Variants in PPARGC1A observed in about 807,000 individuals in gnomAD.
PPARGC1A encodes the protein PPARG coactivator 1 alpha.
In PPARGC1A, 25 loss-of-function variants were observed where a neutral mutation model predicts 88.7. The ratio of observed to expected loss-of-function variants is 0.28; its 90% CI spans 0.21 to 0.39. The LOEUF is 0.39. Ranked by LOEUF, PPARGC1A falls within the 10% of genes least tolerant of loss-of-function variation. PPARGC1A has a pLI of 1.00. For synonymous variants in PPARGC1A, 363 were observed against 355.6 expected (o/e 1.02, Z -0.24); for missense variants, 880 against 968.7 (o/e 0.91, Z 1.22).
Position 23,844,951 on chromosome 4 carries a change from A to C in PPARGC1A, c.235-13200T>G, listed in dbSNP as rs563106446. On this transcript the variant is annotated intron_variant, in intron 2 of 12. Transcript: ENST00000264867. Reference sequence around the variant, plus strand: ...GAGCAGCAAAGCATAATAGCTAAGAAAGAAATGTTCTAGACAGGGAAAAGA... The same window carrying C: ...GAGCAGCAAAGCATAATAGCTAAGACAGAAATGTTCTAGACAGGGAAAAGA... Among the ~76,000 whole-genome samples, 8 of 148,824 alleles carry C rather than the reference A, an allele frequency of 5.4e-5. No homozygotes were observed. The East Asian group carries it at 1.6e-3, about 29-fold the overall frequency.
the PPARGC1A span, among the ~76,000 whole-genome samples, chr4:24,242,907 AAC>A: frequency 1.4e-4 from 21 of 152,094 alleles, no homozygotes; most frequent in African/African-American, 4.6e-4. Context: ...ACTCAGAGAA[AAC>A]AGTCTGTTTA....
At chr4:24,109,990 C>A in the PPARGC1A span, among the ~76,000 whole-genome samples, 1 of 152,110 alleles carries the variant, frequency 6.6e-6, no homozygotes, top group East Asian at 1.9e-4. Flanking sequence ...GGAGGAGGAA[C>A]CCCCAGCAGC....
At chr4:24,179,317 C>G in the PPARGC1A span, among the ~76,000 whole-genome samples, 1 of 152,174 alleles carries the variant, frequency 6.6e-6, no homozygotes, top group Non-Finnish European at 1.5e-5. Context: ...TCCCTTGCAG[C>G]AAGTCCCCTT....
the PPARGC1A span, among the ~76,000 whole-genome samples, chr4:24,195,453 T>C: frequency 6.6e-6 from 1 of 152,190 alleles, no homozygotes; most frequent in African/African-American, 2.4e-5. Flanking sequence ...CTTACCTCAA[T>C]TTTTTGTGAG....
At chr4:24,456,077 G>T in the PPARGC1A span, among the ~76,000 whole-genome samples, 1 of 152,292 alleles carries the variant, frequency 6.6e-6, no homozygotes, top group Non-Finnish European at 1.5e-5. Flanking sequence ...CCCAGCATTA[G>T]CTGGGCCTTT....
At chr4:24,378,815 C>T in the PPARGC1A span, among the ~76,000 whole-genome samples, 355 of 152,268 alleles carry the variant, frequency 2.3e-3, 1 homozygote, top group African/African-American at 8.2e-3. Flanking sequence ...AGCTGAAGTT[C>T]TCTTAGCAAC....
the PPARGC1A span, among the ~76,000 whole-genome samples, chr4:24,461,803 AC>A: frequency 3.3e-5 from 5 of 151,778 alleles, no homozygotes; most frequent in African/African-American, 4.8e-5. Flanking sequence ...AAATGTCCCC[AC>A]TCTCATCCCC....
At chr4:23,848,892 C>A (rs952267623) in intron 2 of PPARGC1A, among the ~76,000 whole-genome samples, 1 of 152,070 alleles carries the variant, frequency 6.6e-6, no homozygotes, top group Non-Finnish European at 1.5e-5. Context: ...ATCTGTAATC[C>A]CAGCACTTTG....
At chr4:24,033,150 G>A in the PPARGC1A span, among the ~76,000 whole-genome samples, 3 of 152,202 alleles carry the variant, frequency 2.0e-5, no homozygotes, top group Admixed American at 6.5e-5. Flanking sequence ...GACTTCCTAG[G>A]TCTGTGTCCC....
intron 7 of PPARGC1A, among the ~76,000 whole-genome samples, chr4:23,819,187 G>T (rs975492961): frequency 2.6e-5 from 4 of 151,984 alleles, no homozygotes; most frequent in Non-Finnish European, 5.9e-5. Context: ...GTAGATAAAA[G>T]CTGCCCTAGT....
chr4:23,869,159 G>A (rs552243521), intron 2 of PPARGC1A, among the ~76,000 whole-genome samples: 1 of 152,286 alleles, frequency 6.6e-6, no homozygotes, highest in Admixed American at 6.5e-5. Flanking sequence ...TTGCAGGTGA[G>A]TGATGGACAG....
the PPARGC1A span, among the ~76,000 whole-genome samples, chr4:23,971,891 G>C: frequency 1.3e-5 from 2 of 151,986 alleles, no homozygotes; most frequent in African/African-American, 4.8e-5. Context: ...TGTGTTTCAG[G>C]CATCTAACTT....
At chr4:23,853,893 A>G (rs1175903903) in intron 2 of PPARGC1A, among the ~76,000 whole-genome samples, 1 of 152,164 alleles carries the variant, frequency 6.6e-6, no homozygotes, top group African/African-American at 2.4e-5. Context: ...AGCTCTGTCA[A>G]TTACTAGGAT....
the PPARGC1A span, among the ~76,000 whole-genome samples, chr4:24,012,113 G>A: frequency 5.3e-5 from 8 of 152,118 alleles, no homozygotes; most frequent in South Asian, 2.1e-4. Flanking sequence ...GTGATGGGGC[G>A]ACTTGAAAAA....
At chr4:24,453,954 A>G in the PPARGC1A span, among the ~76,000 whole-genome samples, 29 of 152,172 alleles carry the variant, frequency 1.9e-4, no homozygotes, top group African/African-American at 7.0e-4. Flanking sequence ...TCTCTGACCA[A>G]TAGAACAAAA....
At chr4:24,360,769 C>T in the PPARGC1A span, among the ~76,000 whole-genome samples, 1 of 152,094 alleles carries the variant, frequency 6.6e-6, no homozygotes, top group Admixed American at 6.6e-5. Flanking sequence ...GCATCTAACC[C>T]ATAGGTAATG....
intron 2 of PPARGC1A, among the ~76,000 whole-genome samples, chr4:23,842,185 G>A (rs1449762047): frequency 6.6e-6 from 1 of 152,156 alleles, no homozygotes; most frequent in Non-Finnish European, 1.5e-5. Flanking sequence ...CAAGTTACAT[G>A]CCATGAGGCA....
chr4:24,417,241 A>T, the PPARGC1A span, among the ~76,000 whole-genome samples: 1 of 152,228 alleles, frequency 6.6e-6, no homozygotes, highest in Non-Finnish European at 1.5e-5. Context: ...TTCTATTAAC[A>T]GTATTAAAGC....
the PPARGC1A span, among the ~76,000 whole-genome samples, chr4:24,089,104 G>A: frequency 1.3e-5 from 2 of 152,324 alleles, no homozygotes; most frequent in African/African-American, 2.4e-5. Context: ...ATCAGTTCCA[G>A]TAAGAAATAT....
Sources: gnomAD v4.1 joint callset for allele counts (sites outside exome capture counted in the v4.1 genomes callset) on GRCh38, gnomAD v4.1.1 for gene constraint, MANE v1.5 for transcripts, NCBI Gene and HGNC (gene_info 2026-07-23, HGNC 2026-07-21) for gene names.